The following FAXC variants were observed in gnomAD, a reference collection of about 807,000 sequenced individuals.
FAXC encodes failed axon connections homolog, metaxin like GST domain containing.
A neutral mutation model predicts 41.9 loss-of-function variants in FAXC; 10 were observed. The ratio of observed to expected loss-of-function variants is 0.24; its 90% CI spans 0.15 to 0.41. The LOEUF is 0.41. FAXC is among the 10% of genes least tolerant of loss of function. The pLI is 1.00. For synonymous variants in FAXC, 183 were observed against 183.8 expected (o/e 1.00, Z 0.03); for missense variants, 399 against 510.9 (o/e 0.78, Z 2.11).
At chr6:99,340,685 TTTTTA>T (rs1354877880) in intron 2 of FAXC, among the ~76,000 whole-genome samples, 1 of 149,618 alleles carries the variant, frequency 6.7e-6, no homozygotes, top group Admixed American at 6.7e-5. Context: ...TTTTTTTTTT[TTTTTA>T]TGGAGTCTGG....
rs4840025 is a variant in FAXC at position 99,279,631 on chromosome 6, C to G, written c.*1533G>C. ...TAGCCCAAATCTCACAGCCATCACC[C>G]AGGATCTCTGCCCCATATTTCCCTG... On this transcript the variant is annotated 3_prime_UTR_variant, in exon 6 of 6. Transcript: ENST00000389677. The G allele has an allele frequency of 0.64, 97,734 of 151,880 alleles. 31,863 individuals carry two copies. Among genetic ancestry groups the G allele is most frequent in the African/African-American group, 0.75 (31,028 of 41,418 alleles). 9.4% of individuals were successfully genotyped at this position (151,880 alleles called of 1,614,324 possible). A position where few individuals can be genotyped will look rare whatever the true frequency, so the allele number is the denominator to read the frequency against.
rs972489090 is a variant in FAXC at position 99,271,897 on chromosome 6, C to T, written c.*9267G>A. 6.6e-6 allele frequency: 1 copy of T among 152,130 alleles called. No individual in the cohort carries two copies. The allele number at this position is 152,130 out of a possible 1,614,324, so 9.4% of individuals were successfully genotyped here. A position where few individuals can be genotyped will look rare whatever the true frequency, so the allele number is the denominator to read the frequency against. On this transcript the variant is annotated 3_prime_UTR_variant, in exon 6 of 6. Coordinates refer to ENST00000389677, the MANE Select transcript of FAXC (RefSeq NM_032511.4). ...ATAGAATTTGAAACATCCTGCATGT[C>T]TCTATAGATCTTGACATGCCTATAG...
chr6:99,343,125 T>C (rs575556262), intron 1 of FAXC, 92 bp from the exon 2 acceptor site: 1 of 1,147,550 alleles, frequency 8.7e-7, no homozygotes, highest in South Asian at 1.6e-5. Context: ...GGGTTGTAGC[T>C]CCTCAATGAA....
chr6:99,330,887 G>A (rs1468453526), intron 3 of FAXC, among the ~76,000 whole-genome samples: 1 of 152,186 alleles, frequency 6.6e-6, no homozygotes, highest in Non-Finnish European at 1.5e-5. Context: ...AAGAGCAGAG[G>A]ATGGGAGGTG....
Position 99,278,675 on chromosome 6 carries a change from C to T in FAXC, c.*2489G>A, listed in dbSNP as rs1217389932. On this transcript the variant is annotated 3_prime_UTR_variant, in exon 6 of 6. Coordinates refer to ENST00000389677, the MANE Select transcript of FAXC (RefSeq NM_032511.4). ...CCGCCTTGGGAAAGTAAAGCAGGGG[C>T]ATATTCTAGGGCTCTAAATCAAATT... The T allele has an allele frequency of 1.3e-5, 2 of 152,140 alleles. No individual in the cohort carries two copies. The highest frequency in any genetic ancestry group is 4.8e-5 in the African/African-American group (2 of 41,436). The allele number at this position is 152,140 out of a possible 1,614,324, so 9.4% of individuals were successfully genotyped here. A position where few individuals can be genotyped will look rare whatever the true frequency, so the allele number is the denominator to read the frequency against.
At chr6:99,340,400 TAATATTTTTAAAATATAG>T in intron 2 of FAXC, among the ~76,000 whole-genome samples, 1 of 152,110 alleles carries the variant, frequency 6.6e-6, no homozygotes, top group South Asian at 2.1e-4. Context: ...CAGCCTGGCC[TAATATTTTTAAAATATAG>T]AAGGAAAAGA....
In FAXC at chr6:99,303,810, T is replaced by C. The variant is rs199711418; in HGVS notation, c.824-11990A>G. ...AGTCTAAGAGGTGCCTGTGCCATGG[T>C]TGTAAGGCAAGTTATCAAAACCTCT... On this transcript the variant is annotated intron_variant, in intron 4 of 5. Coordinates refer to ENST00000389677, the MANE Select transcript of FAXC (RefSeq NM_032511.4). Among the ~76,000 whole-genome samples the C allele has an allele frequency of 9.2e-5, 14 of 152,266 alleles. No individual in the cohort carries two copies. In the East Asian group the frequency reaches 1.4e-3, roughly 15 times the overall value.
intron 4 of FAXC, among the ~76,000 whole-genome samples, chr6:99,315,278 T>C (rs1582656481): frequency 4.7e-5 from 6 of 128,052 alleles, no homozygotes; most frequent in Admixed American, 1.7e-4. Flanking sequence ...AAATGTCACC[T>C]CCTTGAAGAA....
intron 1 of FAXC, among the ~76,000 whole-genome samples, chr6:99,344,045 G>A (rs1293685021): frequency 6.6e-6 from 1 of 152,072 alleles, no homozygotes; most frequent in African/African-American, 2.4e-5. Flanking sequence ...CTGGACAACT[G>A]GTGTCAAATC....
intron 5 of FAXC, among the ~76,000 whole-genome samples, chr6:99,290,211 A>G (rs1582622422): frequency 2.0e-5 from 3 of 151,638 alleles, no homozygotes; most frequent in African/African-American, 7.3e-5. Context: ...CATTTCCACC[A>G]TGAATTTTAC....
At chr6:99,282,450 T>A (rs990211001) in intron 5 of FAXC, among the ~76,000 whole-genome samples, 7 of 152,300 alleles carry the variant, frequency 4.6e-5, no homozygotes, top group Admixed American at 2.0e-4. Context: ...AAGATATTTT[T>A]AAATTTTTAC....
At chr6:99,309,993 C>G (rs1252723577) in intron 4 of FAXC, 11 of 707,580 alleles carry the variant, frequency 1.6e-5, no homozygotes, top group Non-Finnish European at 1.9e-5. Context: ...GGCCTTAGAC[C>G]CATTCCCTAG....
chr6:99,297,649 G>C (rs1234865247), intron 4 of FAXC, among the ~76,000 whole-genome samples: 1 of 152,174 alleles, frequency 6.6e-6, no homozygotes, highest in Non-Finnish European at 1.5e-5. Context: ...GAGGATGTAT[G>C]AGAGCTGACA....
chr6:99,302,380 G>A (rs1355545440), intron 4 of FAXC, among the ~76,000 whole-genome samples: 3 of 152,202 alleles, frequency 2.0e-5, no homozygotes, highest in Non-Finnish European at 2.9e-5. Context: ...TCACGGCCAC[G>A]CGCAGTGGCT....
Position 99,271,590 on chromosome 6 carries a change from A to T in FAXC, c.*9574T>A, listed in dbSNP as rs761530532. 1 of 152,198 alleles carries T rather than the reference A, an allele frequency of 6.6e-6. No homozygotes were observed. Among genetic ancestry groups the T allele is most frequent in the Non-Finnish European group, 1.5e-5 (1 of 68,034 alleles). 9.4% of individuals were successfully genotyped at this position (152,198 alleles called of 1,614,324 possible). A position where few individuals can be genotyped will look rare whatever the true frequency, so the allele number is the denominator to read the frequency against. ...TCAGATTTCCAGTTTTGATTTTGGG[A>T]TACTCAACTGGTATAATGCAAATAT... is the stretch of plus-strand genomic sequence containing the variant. On this transcript the variant is annotated 3_prime_UTR_variant, in exon 6 of 6. Coordinates refer to ENST00000389677, the MANE Select transcript of FAXC (RefSeq NM_032511.4).
Position 99,275,054 on chromosome 6 carries a change from G to T in FAXC, c.*6110C>A, listed in dbSNP as rs188851625. ...ATCTTATTTTTTTAGAAGCCATGGG[G>T]TAACTAAAAACAAAAAAGGTATTAA... On this transcript the variant is annotated 3_prime_UTR_variant, in exon 6 of 6. Transcript: ENST00000389677. 26 of 152,024 alleles carry T rather than the reference G, an allele frequency of 1.7e-4. No homozygotes were observed. The South Asian group carries it at 3.1e-3, about 18-fold the overall frequency. The allele number at this position is 152,024 out of a possible 1,614,324, so 9.4% of individuals were successfully genotyped here.
intron 4 of FAXC, among the ~76,000 whole-genome samples, chr6:99,295,446 G>T (rs752234313): frequency 5.9e-5 from 9 of 152,204 alleles, no homozygotes; most frequent in Non-Finnish European, 1.2e-4. Flanking sequence ...TCCTCCCTAA[G>T]GTGGGTGGGC....
chr6:99,291,893 C>CA (rs1771260069), intron 4 of FAXC, 73 bp from the exon 5 acceptor site: 5 of 1,036,572 alleles, frequency 4.8e-6, no homozygotes, highest in Admixed American at 1.7e-5. Context: ...GCATTTAGCA[C>CA]ATTCTATTAC....
At position 99,271,533 on chromosome 6, in the gene FAXC, T is replaced by C. The variant is rs1476898386; in HGVS notation, c.*9631A>G. On this transcript the variant is annotated 3_prime_UTR_variant, in exon 6 of 6. Transcript: ENST00000389677. Reference sequence around the variant, plus strand: ...ATCCAAAACTTTTTGAGCACTAACATGACACTCAAAGGAAACGGACATTGG... The same window carrying C: ...ATCCAAAACTTTTTGAGCACTAACACGACACTCAAAGGAAACGGACATTGG... 1 of 152,200 alleles carries C rather than the reference T, an allele frequency of 6.6e-6. No homozygotes were observed. Among genetic ancestry groups the C allele is most frequent in the Non-Finnish European group, 1.5e-5 (1 of 68,048 alleles). 9.4% of individuals were successfully genotyped at this position (152,200 alleles called of 1,614,324 possible). A position where few individuals can be genotyped will look rare whatever the true frequency, so the allele number is the denominator to read the frequency against.
Sources: allele counts gnomAD v4.1 joint callset (sites outside exome capture counted in the v4.1 genomes callset), GRCh38; gene constraint gnomAD v4.1.1; transcripts MANE v1.5; gene names NCBI Gene and HGNC (gene_info 2026-07-23, HGNC 2026-07-21).